BMP1: variants seen among roughly 807,000 people sequenced by gnomAD.
The protein encoded by BMP1 is mammalian tolloid protein.
A neutral mutation model predicts 116.8 loss-of-function variants in BMP1; 63 were observed. That is an observed-to-expected ratio of 0.54 (90% CI 0.44 to 0.67). The LOEUF (loss-of-function observed/expected upper bound fraction) is 0.67, where lower values mean the gene tolerates loss of function less well. Ranked by LOEUF, BMP1 falls within the 30% of genes least tolerant of loss-of-function variation. The pLI is 0.00. For synonymous variants in BMP1, 536 were observed against 533.4 expected, an observed-to-expected ratio of 1.00 and a Z score of -0.07; for missense variants, 1,183 against 1,358.9, an observed-to-expected ratio of 0.87 and a Z score of 2.04.
intron 13 of BMP1, chr8:22,196,180 G>A (rs764957055): frequency 1.9e-6 from 1 of 522,058 alleles, no homozygotes; most frequent in Non-Finnish European, 3.8e-6. Flanking sequence ...CCACCCACCA[G>A]GGTGTTATGA....
chr8:22,185,206 C>A lies in BMP1; in HGVS notation c.1077+4723C>A, dbSNP rs185776360. Among the ~76,000 whole-genome samples, 430 of 152,254 alleles carry A rather than the reference C, an allele frequency of 2.8e-3. 4 individuals carry two copies. Among genetic ancestry groups the A allele is most frequent in the Non-Finnish European group, 6.3e-4 (43 of 68,024 alleles). On this transcript the variant is annotated intron_variant, in intron 8 of 19. Transcript: ENST00000306385. ...GTGACTCATGCCTGTAATCCCAGCA[C>A]TTTGGGAGGTCGAGGCGGGTGGATC...
intron 16 of BMP1, among the ~76,000 whole-genome samples, chr8:22,206,608 G>A (rs774019254): frequency 8.8e-4 from 134 of 152,132 alleles, no homozygotes; most frequent in Non-Finnish European, 2.2e-4. Flanking sequence ...GGGAGCCTGC[G>A]ATGGCTGCTT....
intron 18 of BMP1, among the ~76,000 whole-genome samples, chr8:22,208,328 G>C (rs1318941072): frequency 3.9e-5 from 6 of 152,258 alleles, no homozygotes; most frequent in African/African-American, 1.4e-4. Context: ...CATGAACTGA[G>C]CTCCGCTCTG....
At position 22,211,899 on chromosome 8, in the gene BMP1, C is replaced by A; in HGVS notation, c.*171C>A. The A allele has an allele frequency of 1.0e-6, 1 of 967,700 alleles. No homozygotes were observed. The highest frequency in any genetic ancestry group is 1.5e-6 in the Non-Finnish European group (1 of 667,328). 59.9% of individuals were successfully genotyped at this position (967,700 alleles called of 1,614,324 possible). ...AGGAGGTGGGGGAACTGGACTCCGGCATAAGCCACTTCCCCACAAACCCCC... is the reference window on the plus strand; with the variant it reads ...AGGAGGTGGGGGAACTGGACTCCGGAATAAGCCACTTCCCCACAAACCCCC... On this transcript the variant is annotated 3_prime_UTR_variant, in exon 20 of 20. Coordinates refer to ENST00000306385, the MANE Select transcript of BMP1 (RefSeq NM_006129.5).
chr8:22,166,071 C>T (rs955807879), intron 1 of BMP1, among the ~76,000 whole-genome samples: 9 of 151,994 alleles, frequency 5.9e-5, no homozygotes, highest in Non-Finnish European at 8.8e-5. Context: ...CACCACCCAG[C>T]CCAAGTGGAA....
In BMP1 at chr8:22,207,397, G is replaced by A; in HGVS notation, c.2456G>A (p.Gly819Asp). Residue 819 changes from glycine (G) to aspartate (D), a missense_variant, in exon 18 of 20, where the codon GGC becomes GAC. Around this residue, in one of 4 missense-constraint regions of BMP1, gnomAD observed 956 missense variants for 1,135.2 expected, o/e 0.84. Transcript: ENST00000306385. ...CGAGACGCCAAGGCCCCCGTCCTCG[G>A]CCGCTTCTGTGGGAGCAAGAAGCCC... ...DGRDAKAPVL[G>D]RFCGSKKPEP... 1 of 1,614,184 alleles carries A rather than the reference G, an allele frequency of 6.2e-7. No individual in the cohort carries two copies. The highest frequency in any genetic ancestry group is 8.5e-7 in the Non-Finnish European group (1 of 1,180,036).
Position 22,179,914 on chromosome 8 carries a change from G to T in BMP1, c.961+85G>T. 1.4e-6 allele frequency: 2 copies of T among 1,396,070 alleles called. No homozygotes were observed. The highest frequency in any genetic ancestry group is 2.0e-6 in the Non-Finnish European group (2 of 1,022,856). 86.5% of individuals were successfully genotyped at this position (1,396,070 alleles called of 1,614,324 possible). On this transcript the variant is annotated intron_variant, in intron 7 of 19. Transcript: ENST00000306385. This position sits in a 1 kb window ranked among gnomAD's most constrained non-coding sequence, Gnocchi z 4.6. ...CCAGGTGCCTGGTGCCACCAAGAAG[G>T]CTTAGGCTGCAAGTCTTAGAGAATG...
At chr8:22,182,495 G>A (rs1380059317) in intron 8 of BMP1, among the ~76,000 whole-genome samples, 2 of 152,152 alleles carry the variant, frequency 1.3e-5, no homozygotes, top group African/African-American at 4.8e-5. Flanking sequence ...ACCATACCTT[G>A]GTCATCTTTC....
chr8:22,166,604 G>A (rs963204443), intron 1 of BMP1, among the ~76,000 whole-genome samples: 5 of 151,628 alleles, frequency 3.3e-5, no homozygotes, highest in Admixed American at 6.6e-5. Context: ...CCAGAGCCAG[G>A]GGAAGTGGCA....
intron 8 of BMP1, among the ~76,000 whole-genome samples, chr8:22,187,731 T>G (rs545447149): frequency 6.6e-6 from 1 of 152,146 alleles, no homozygotes; most frequent in South Asian, 2.1e-4. Context: ...AGGATTCTAG[T>G]CTGAGCCATT....
chr8:22,201,084 T>G (rs1250452539), intron 15 of BMP1: 10 of 570,566 alleles, frequency 1.8e-5, no homozygotes, highest in African/African-American at 1.6e-4. Context: ...CCCCCACCCC[T>G]TGGTCCCTTT....
intron 18 of BMP1, among the ~76,000 whole-genome samples, chr8:22,208,754 C>A (rs1829409646): frequency 1.3e-5 from 2 of 152,214 alleles, no homozygotes; most frequent in African/African-American, 4.8e-5. Flanking sequence ...GGGTCCTAAG[C>A]CACCTGTCAG....
chr8:22,201,051 C>G, intron 15 of BMP1: 1 of 1,156,446 alleles, frequency 8.6e-7, no homozygotes, highest in Non-Finnish European at 1.2e-6. Context: ...TCACTGCTGT[C>G]CCTCCCTGGT....
In BMP1 at chr8:22,196,127, G is replaced by T; in HGVS notation, c.1765+540G>T. 1.0e-5 allele frequency: 5 copies of T among 502,202 alleles called. No homozygotes were observed. The Admixed American group carries it at 1.0e-4, about 10-fold the overall frequency. The allele number at this position is 502,202 out of a possible 1,614,324, so 31.1% of individuals were successfully genotyped here. A position where few individuals can be genotyped will look rare whatever the true frequency, so the allele number is the denominator to read the frequency against. ...TTTTTCATTCTTGGGGTGTTTTCGGGTTTTTTTTGTAAATGACCATCTTGA... is the reference window on the plus strand; with the variant it reads ...TTTTTCATTCTTGGGGTGTTTTCGGTTTTTTTTTGTAAATGACCATCTTGA... On this transcript the variant is annotated intron_variant, in intron 13 of 19. Coordinates refer to ENST00000306385, the MANE Select transcript of BMP1 (RefSeq NM_006129.5).
At chr8:22,185,685 G>A (rs1042763973) in intron 8 of BMP1, among the ~76,000 whole-genome samples, 2 of 151,606 alleles carry the variant, frequency 1.3e-5, no homozygotes, top group African/African-American at 2.4e-5. Flanking sequence ...GCAGTGGCAC[G>A]ATCTCAGCTC....
At chr8:22,181,556 T>C (rs1828621872) in intron 8 of BMP1, among the ~76,000 whole-genome samples, 1 of 151,946 alleles carries the variant, frequency 6.6e-6, no homozygotes, top group Non-Finnish European at 1.5e-5. Flanking sequence ...CCAGCTCTTT[T>C]TTTTTTTTTT....
chr8:22,207,416 G>A lies in BMP1; in HGVS notation c.2475G>A (p.Lys825=). 6.2e-7 allele frequency: 1 copy of A among 1,614,132 alleles called. No homozygotes were observed. The change falls in exon 18 of 20, where the codon AAG becomes AAA. Residue 825 remains lysine (K), a synonymous_variant. Transcript: ENST00000306385. The stretch of plus-strand genomic sequence containing the variant: ...TCCTCGGCCGCTTCTGTGGGAGCAA[G>A]AAGCCCGAGCCCGTCCTGGCCACAG... The part of the protein sequence containing the change: ...APVLGRFCGS[K]KPEPVLATGS...
Position 22,165,444 on chromosome 8 carries a change from G to A in BMP1, c.39G>A (p.Leu13=), listed in dbSNP as rs761408475. 4.4e-6 allele frequency: 7 copies of A among 1,575,730 alleles called. No individual in the cohort carries two copies. Among genetic ancestry groups the A allele is most frequent in the Non-Finnish European group, 4.3e-6 (5 of 1,165,384 alleles). Residue 13 remains leucine, a synonymous_variant, in exon 1 of 20, where the codon CTG becomes CTA. Coordinates refer to ENST00000306385, the MANE Select transcript of BMP1 (RefSeq NM_006129.5). The part of the protein sequence containing the change: ...GVARLPLLLG[L]LLLPRPGRPL... ...CCCGCCTGCCGCTGCTGCTCGGGCT[G>A]CTGCTGCTCCCGCGTCCCGGCCGGC...
Position 22,211,800 on chromosome 8 carries a change from C to G in BMP1, c.*72C>G, listed in dbSNP as rs1395094468. The G allele has an allele frequency of 2.9e-5, 46 of 1,604,672 alleles. 1 individual carries two copies. The South Asian group carries it at 5.0e-4, about 17-fold the overall frequency. On this transcript the variant is annotated 3_prime_UTR_variant, in exon 20 of 20. Coordinates refer to ENST00000306385, the MANE Select transcript of BMP1 (RefSeq NM_006129.5). ...GCCTAGACTGGATAGTGGGGGTGGG[C>G]GGAAGGCAACGCACCATCCCTCTCC...
Sources: allele counts gnomAD v4.1 joint callset (sites outside exome capture counted in the v4.1 genomes callset), GRCh38; gene constraint gnomAD v4.1.1; regional missense constraint gnomAD v4.1.1; non-coding constraint Gnocchi (gnomAD v3.1); transcripts MANE v1.5; gene names NCBI Gene and HGNC (gene_info 2026-07-23, HGNC 2026-07-21).